Variants in HS3ST2 observed in about 807,000 individuals in gnomAD.
HS3ST2 encodes heparan sulfate-glucosamine 3-sulfotransferase 2, also known as heparan sulfate glucosamine 3-O-sulfotransferase 2.
HS3ST2 carries 17 observed loss-of-function variants against 26.3 expected under a neutral mutation model. The observed-to-expected ratio is 0.65, with a 90% CI of 0.44 to 0.97. The LOEUF is 0.97. Among genes scored for constraint, HS3ST2 ranks in the 50% least tolerant of loss-of-function variants. The pLI is 0.00. For synonymous variants in HS3ST2, 237 were observed against 219.2 expected (o/e 1.08, Z -0.72); for missense variants, 402 against 501.2 (o/e 0.80, Z 1.89).
At chr16:22,890,605 C>A (rs1902115028) in intron 1 of HS3ST2, among the ~76,000 whole-genome samples, 1 of 152,162 alleles carries the variant, frequency 6.6e-6, no homozygotes, top group Non-Finnish European at 1.5e-5. Flanking sequence ...AGGCACTGTA[C>A]AAAGTACATC....
intron 1 of HS3ST2, among the ~76,000 whole-genome samples, chr16:22,875,359 A>G (rs1901900499): frequency 1.3e-5 from 2 of 151,370 alleles, no homozygotes; most frequent in South Asian, 2.1e-4. Flanking sequence ...ACAGAAAAAT[A>G]CTTTTAATAA....
chr16:22,836,352 A>C (rs1596608752), intron 1 of HS3ST2, among the ~76,000 whole-genome samples: 1 of 152,328 alleles, frequency 6.6e-6, no homozygotes, highest in South Asian at 2.1e-4. Flanking sequence ...ATAGTTCTGC[A>C]GACTGTACAG....
At chr16:22,855,696 G>GTCTGTCTCTC (rs1555512844) in intron 1 of HS3ST2, among the ~76,000 whole-genome samples, 2 of 142,940 alleles carry the variant, frequency 1.4e-5, no homozygotes, top group Admixed American at 7.0e-5. Context: ...CTGTCTCTCT[G>GTCTGTCTCTC]TCTCTCTCTC....
At chr16:22,907,056 A>T (rs1474614027) in intron 1 of HS3ST2, among the ~76,000 whole-genome samples, 2 of 152,218 alleles carry the variant, frequency 1.3e-5, no homozygotes, top group African/African-American at 2.4e-5. Context: ...GGTGTGTGTG[A>T]CTTTTGGTTT....
chr16:22,832,283 C>T (rs1901182863), intron 1 of HS3ST2, among the ~76,000 whole-genome samples: 3 of 151,906 alleles, frequency 2.0e-5, no homozygotes, highest in South Asian at 4.2e-4. Context: ...AGGCATGAGC[C>T]ACTGTCCCTG....
chr16:22,903,408 G>A (rs932758989), intron 1 of HS3ST2, among the ~76,000 whole-genome samples: 17 of 152,220 alleles, frequency 1.1e-4, no homozygotes, highest in Admixed American at 9.8e-4. Flanking sequence ...CGATGACCAC[G>A]TGTATGGCTG....
intron 1 of HS3ST2, chr16:22,854,745 C>T (rs1901566390): frequency 6.6e-6 from 1 of 151,298 alleles, no homozygotes; most frequent in South Asian, 2.1e-4. Context: ...CTCAAGCGGT[C>T]CTCCCACCTC....
chr16:22,901,588 T>A (rs1902282565), intron 1 of HS3ST2, among the ~76,000 whole-genome samples: 1 of 152,174 alleles, frequency 6.6e-6, no homozygotes, highest in African/African-American at 2.4e-5. Context: ...TCCTGGGAGT[T>A]ACCTCCAGAT....
At chr16:22,850,560 G>C (rs1461753796) in intron 1 of HS3ST2, among the ~76,000 whole-genome samples, 2 of 152,158 alleles carry the variant, frequency 1.3e-5, no homozygotes, top group African/African-American at 4.8e-5. Flanking sequence ...GCCAAGGCAG[G>C]CAGATCACTT....
chr16:22,884,425 T>TTCATTTACAA (rs1902032182), intron 1 of HS3ST2, among the ~76,000 whole-genome samples: 1 of 152,104 alleles, frequency 6.6e-6, no homozygotes, highest in Admixed American at 6.5e-5. Flanking sequence ...AAGCAGAAGC[T>TTCATTTACAA]TCATTTACAA....
At chr16:22,831,278 T>C (rs112523355) in intron 1 of HS3ST2, among the ~76,000 whole-genome samples, 19 of 152,362 alleles carry the variant, frequency 1.2e-4, no homozygotes, top group African/African-American at 4.1e-4. Flanking sequence ...AAATGCCCAC[T>C]AAGATTCTCC....
intron 1 of HS3ST2, among the ~76,000 whole-genome samples, chr16:22,891,287 A>C (rs559982707): frequency 1.3e-5 from 2 of 152,362 alleles, no homozygotes; most frequent in Admixed American, 6.5e-5. Flanking sequence ...CCTACTACGC[A>C]TCAGAACATA....
chr16:22,836,025 A>C lies in HS3ST2; in HGVS notation c.485+20930A>C, dbSNP rs575107292. On this transcript the variant is annotated intron_variant, in intron 1 of 1. Transcript: ENST00000261374. ...TCCAAGACTTATTCTTTGAAAAAAA[A>C]ATAGACAAACATTTATGGTATCTAA... 2.5e-4 allele frequency among the ~76,000 whole-genome samples: 38 copies of C among 152,350 alleles called. No individual in the cohort carries two copies. The East Asian group carries it at 6.5e-3, about 26-fold the overall frequency.
chr16:22,895,695 T>C (rs112440185), intron 1 of HS3ST2, among the ~76,000 whole-genome samples: 6 of 152,308 alleles, frequency 3.9e-5, no homozygotes, highest in Non-Finnish European at 8.8e-5. Context: ...CAACTTGCTC[T>C]AAAAGTTTTG....
At chr16:22,851,375 G>A (rs944549026) in intron 1 of HS3ST2, among the ~76,000 whole-genome samples, 4 of 152,162 alleles carry the variant, frequency 2.6e-5, no homozygotes, top group Admixed American at 1.3e-4. Flanking sequence ...CATTTTATAC[G>A]TGAGGAAACC....
At chr16:22,906,329 CCACTG>C (rs1265663440) in intron 1 of HS3ST2, among the ~76,000 whole-genome samples, 6 of 150,300 alleles carry the variant, frequency 4.0e-5, no homozygotes, top group Non-Finnish European at 8.9e-5. Flanking sequence ...CGAGATTGCG[CCACTG>C]CACTCCAGCC....
At chr16:22,837,701 G>A (rs1218755282) in intron 1 of HS3ST2, among the ~76,000 whole-genome samples, 1 of 151,328 alleles carries the variant, frequency 6.6e-6, no homozygotes, top group Admixed American at 6.6e-5. Context: ...AGGGATAGAA[G>A]AGTTAATGCA....
intron 1 of HS3ST2, among the ~76,000 whole-genome samples, chr16:22,912,663 C>T (rs543679192): frequency 6.6e-6 from 1 of 152,184 alleles, no homozygotes; most frequent in East Asian, 1.9e-4. Flanking sequence ...TGTAGCAGCT[C>T]GGAGGCAGCT....
Position 22,915,724 on chromosome 16 carries a change from G to A in HS3ST2, c.*162G>A, listed in dbSNP as rs918596616. The stretch of plus-strand genomic sequence containing the variant: ...CCAGGAAGCCCAGCTAAAGCCAAGA[G>A]ACCAGAGAGTCCCTGCCACTAGTTT... On this transcript the variant is annotated 3_prime_UTR_variant, in exon 2 of 2. Transcript: ENST00000261374. The A allele has an allele frequency of 1.7e-5, 12 of 723,534 alleles. No individual in the cohort carries two copies. The highest frequency in any genetic ancestry group is 2.7e-5 in the Non-Finnish European group (12 of 438,410). The allele number at this position is 723,534 out of a possible 1,614,324, so 44.8% of individuals were successfully genotyped here.
Sources: allele counts gnomAD v4.1 joint callset (sites outside exome capture counted in the v4.1 genomes callset), GRCh38; gene constraint gnomAD v4.1.1; transcripts MANE v1.5; gene names NCBI Gene and HGNC (gene_info 2026-07-23, HGNC 2026-07-21).